The following CSMD1 variants were observed in gnomAD, a reference collection of about 807,000 sequenced individuals.
The protein encoded by CSMD1 is CUB and sushi domain-containing protein 1.
In CSMD1, 213 loss-of-function variants were observed where a neutral mutation model predicts 417.5. That is an observed-to-expected ratio of 0.51 (90% confidence interval 0.46 to 0.57). The LOEUF (loss-of-function observed/expected upper bound fraction) is 0.57, where lower values mean the gene tolerates loss of function less well. Ranked by LOEUF, CSMD1 falls within the 20% of genes least tolerant of loss-of-function variation. The pLI is 0.00. For synonymous variants in CSMD1, 2,862 were observed against 1,736.8 expected (o/e 1.65, Z -16.11); for missense variants, 6,923 against 4,529.7 (o/e 1.53, Z -15.17).
At chr8:3,414,239 A>AAAAAT (rs71199574) in intron 12 of CSMD1, among the ~76,000 whole-genome samples, 11 of 135,706 alleles carry the variant, frequency 8.1e-5, no homozygotes, top group African/African-American at 2.8e-4. Context: ...AAAAAAAAAA[A>AAAAAT]TGCTGTACAA....
intron 5 of CSMD1, among the ~76,000 whole-genome samples, chr8:3,901,754 T>G (rs1278273669): frequency 6.6e-6 from 1 of 152,246 alleles, no homozygotes; most frequent in Admixed American, 6.5e-5. Flanking sequence ...CTTTTCGATG[T>G]GACAAGCCAA....
rs934810827 is a variant in CSMD1, at chr8:4,479,866, T to G, written c.303-59801A>C. Among the ~76,000 whole-genome samples the G allele has an allele frequency of 6.3e-4, 96 of 151,736 alleles. 1 individual carries two copies. The highest frequency in any genetic ancestry group is 2.3e-3 in the African/African-American group (95 of 41,370). On this transcript the variant is annotated intron_variant, in intron 2 of 69. Coordinates refer to ENST00000635120, the MANE Select transcript of CSMD1 (RefSeq NM_033225.6). ...CTTTAGTTCCAGCTACTCGGGAGGC[T>G]GAGGCAGGAGAATTGCTTGAACCTG...
chr8:4,334,538 A>C (rs965480106), intron 3 of CSMD1, among the ~76,000 whole-genome samples: 106 of 152,266 alleles, frequency 7.0e-4, no homozygotes, highest in African/African-American at 2.4e-3. Flanking sequence ...CTTAAAATAA[A>C]ACTCTCCAGA....
intron 26 of CSMD1, among the ~76,000 whole-genome samples, chr8:3,243,646 C>A (rs1799690040): frequency 6.6e-6 from 1 of 151,986 alleles, no homozygotes; most frequent in African/African-American, 2.4e-5. Flanking sequence ...AGGAACTGGC[C>A]ATCTGGATGT....
chr8:4,945,838 C>A (rs574600959), intron 1 of CSMD1, among the ~76,000 whole-genome samples: 1 of 152,112 alleles, frequency 6.6e-6, no homozygotes, highest in African/African-American at 2.4e-5. Flanking sequence ...TCCAAGGTCA[C>A]GCCTTGCCAC....
rs1166720464 is a variant in CSMD1, at chr8:3,187,901, T to C, written c.5588A>G (p.Asp1863Gly). The change falls in exon 36 of 70, where the codon GAT (aspartate) becomes GGT (glycine). Residue 1863 changes from aspartate to glycine, a missense_variant. Physicochemically the swap from Asp to Gly is moderately conservative, Grantham distance 94. Transcript: ENST00000635120. ...WDSLEIHDGG[D>G]VTAPRLGSFS... ...GCTTCCCAGTCTGGGTGCGGTCACA[T>C]CCCCACCATCGTGGATCTCAAGGGA... The C allele has an allele frequency of 2.2e-5, 36 of 1,613,158 alleles. No individual in the cohort carries two copies. The highest frequency in any genetic ancestry group is 3.0e-5 in the Non-Finnish European group (35 of 1,179,566).
chr8:4,813,410 G>A (rs1366065660), intron 1 of CSMD1, among the ~76,000 whole-genome samples: 2 of 152,162 alleles, frequency 1.3e-5, no homozygotes, highest in South Asian at 4.1e-4. Flanking sequence ...TAATTTTATG[G>A]AACTCAGCCT....
chr8:3,727,372 G>T (rs1177945981), intron 6 of CSMD1, among the ~76,000 whole-genome samples: 1 of 152,182 alleles, frequency 6.6e-6, no homozygotes, highest in Non-Finnish European at 1.5e-5. Context: ...GTGCCAGAGA[G>T]CTGGCAGCCC....
chr8:3,966,542 A>C (rs962402464), intron 5 of CSMD1, among the ~76,000 whole-genome samples: 2 of 152,124 alleles, frequency 1.3e-5, no homozygotes, highest in Non-Finnish European at 2.9e-5. Context: ...CTTTTGTTTC[A>C]GGTTTATTTT....
chr8:4,548,389 T>C (rs1563276483), intron 2 of CSMD1, among the ~76,000 whole-genome samples: 3 of 152,314 alleles, frequency 2.0e-5, no homozygotes, highest in South Asian at 4.1e-4. Flanking sequence ...TCATGTTGTA[T>C]ATTTAGACGC....
intron 2 of CSMD1, among the ~76,000 whole-genome samples, chr8:4,458,520 G>A (rs1799621412): frequency 2.0e-5 from 3 of 152,130 alleles, no homozygotes; most frequent in South Asian, 2.1e-4. Context: ...TCTGTATAGT[G>A]TGAAAGAGGT....
At chr8:4,118,317 G>A (rs1457071459) in intron 3 of CSMD1, among the ~76,000 whole-genome samples, 1 of 151,628 alleles carries the variant, frequency 6.6e-6, no homozygotes, top group Non-Finnish European at 1.5e-5. Flanking sequence ...GTTTACTGCA[G>A]CAAACTTAAA....
intron 1 of CSMD1, among the ~76,000 whole-genome samples, chr8:4,652,759 G>C (rs967725603): frequency 6.6e-6 from 1 of 152,118 alleles, no homozygotes; most frequent in East Asian, 1.9e-4. Flanking sequence ...GCACCAGGGC[G>C]GTTTTGTGGA....
chr8:4,744,468 T>A (rs1016106012), intron 1 of CSMD1, among the ~76,000 whole-genome samples: 2 of 152,180 alleles, frequency 1.3e-5, no homozygotes, highest in African/African-American at 4.8e-5. Flanking sequence ...ATGCTCTCCA[T>A]AAGTGAGGAA....
intron 1 of CSMD1, among the ~76,000 whole-genome samples, chr8:4,867,280 C>T (rs1422443142): frequency 6.6e-6 from 1 of 152,052 alleles, no homozygotes; most frequent in Non-Finnish European, 1.5e-5. Flanking sequence ...CCCTACTCAT[C>T]AATGTGCTTC....
intron 27 of CSMD1, among the ~76,000 whole-genome samples, chr8:3,228,579 CTAG>C (rs1476559497): frequency 6.6e-6 from 1 of 152,114 alleles, no homozygotes; most frequent in Non-Finnish European, 1.5e-5. Flanking sequence ...ATTGGACTAC[CTAG>C]TGGCTGGTCA....
intron 12 of CSMD1, among the ~76,000 whole-genome samples, chr8:3,448,566 T>C (rs1372737619): frequency 1.3e-5 from 2 of 152,036 alleles, no homozygotes; most frequent in Non-Finnish European, 2.9e-5. Flanking sequence ...TGAAGGTTTG[T>C]AGGAGTTGCT....
intron 30 of CSMD1, among the ~76,000 whole-genome samples, chr8:3,210,327 T>A (rs1374346823): frequency 1.0e-5 from 1 of 100,228 alleles, no homozygotes. Context: ...TGCTCTTTGA[T>A]GACTAGTAAA....
At chr8:3,069,449 AAAAG>A (rs1813178324) in intron 49 of CSMD1, among the ~76,000 whole-genome samples, 1 of 152,072 alleles carries the variant, frequency 6.6e-6, no homozygotes, top group African/African-American at 2.4e-5. Flanking sequence ...AAAAAAAAGA[AAAAG>A]AAAAAGAAAG....
Sources: gnomAD v4.1 joint callset for allele counts (sites outside exome capture counted in the v4.1 genomes callset) on GRCh38, gnomAD v4.1.1 for gene constraint, MANE v1.5 for transcripts, NCBI Gene and HGNC (gene_info 2026-07-23, HGNC 2026-07-21) for gene names.